Variants in FUT9 observed in about 807,000 individuals in gnomAD.
The protein encoded by FUT9 is fucosyltransferase 9.
Under a neutral mutation model 29.7 loss-of-function variants are expected in FUT9, and 15 were observed. That is an observed-to-expected ratio of 0.51 (90% CI 0.34 to 0.78). The LOEUF (loss-of-function observed/expected upper bound fraction) is 0.78, where lower values mean the gene tolerates loss of function less well. Among genes scored for constraint, FUT9 ranks in the 30% least tolerant of loss-of-function variants. The pLI, the probability that FUT9 is intolerant of heterozygous loss-of-function variation, is 0.01. For synonymous variants in FUT9, 169 were observed against 153.7 expected (o/e 1.10, Z -0.74); for missense variants, 319 against 425.4 (o/e 0.75, Z 2.20).
At position 96,056,442 on chromosome 6, in the gene FUT9, A is replaced by G. The variant is rs538858251; in HGVS notation, c.-98+40230A>G. ...TTTAGTTTTCTTTTATTAATTGTTT[A>G]TGTAACTTATACTAGACTGCTCATG... On this transcript the variant is annotated intron_variant, in intron 1 of 2. Transcript: ENST00000302103. 1.8e-4 allele frequency among the ~76,000 whole-genome samples: 27 copies of G among 152,342 alleles called. No homozygotes were observed. In the South Asian group the frequency reaches 5.2e-3, roughly 29 times the overall value.
chr6:96,030,201 A>C (rs911299118), intron 1 of FUT9, among the ~76,000 whole-genome samples: 2 of 151,660 alleles, frequency 1.3e-5, no homozygotes, highest in Non-Finnish European at 3.0e-5. Context: ...GAAAATACTT[A>C]CAAAATACAC....
At chr6:96,197,502 C>G (rs1013756285) in intron 2 of FUT9, among the ~76,000 whole-genome samples, 3 of 152,108 alleles carry the variant, frequency 2.0e-5, no homozygotes, top group Non-Finnish European at 4.4e-5. Context: ...CATTTCTTGT[C>G]TTTGGAGTTG....
At chr6:96,155,242 G>A (rs979590853) in intron 2 of FUT9, among the ~76,000 whole-genome samples, 7 of 152,038 alleles carry the variant, frequency 4.6e-5, no homozygotes, top group African/African-American at 1.4e-4. Context: ...TAAAAAAAAC[G>A]CTCAGTGTCA....
chr6:96,170,535 T>TA (rs1773092962), intron 2 of FUT9, among the ~76,000 whole-genome samples: 1 of 118,980 alleles, frequency 8.4e-6, no homozygotes, highest in Non-Finnish European at 1.7e-5. Context: ...TAAATCAGAA[T>TA]AAAATCCCTT....
chr6:96,198,509 G>C (rs1773669400), intron 2 of FUT9, among the ~76,000 whole-genome samples: 1 of 151,884 alleles, frequency 6.6e-6, no homozygotes, highest in Non-Finnish European at 1.5e-5. Flanking sequence ...TCTTAATCCA[G>C]TCTATCATTG....
chr6:96,110,016 A>G (rs953332956), intron 1 of FUT9, among the ~76,000 whole-genome samples: 3 of 151,738 alleles, frequency 2.0e-5, no homozygotes, highest in African/African-American at 4.8e-5. Context: ...CTTTGTGTCT[A>G]CTCTCCTTGT....
intron 2 of FUT9, among the ~76,000 whole-genome samples, chr6:96,140,200 G>A (rs543591300): frequency 1.8e-4 from 27 of 152,210 alleles, no homozygotes; most frequent in Admixed American, 9.2e-4. Flanking sequence ...AGTTCCCAAC[G>A]AGTTCCTCAT....
chr6:96,153,332 T>C (rs2127977409), intron 2 of FUT9, among the ~76,000 whole-genome samples: 1 of 152,286 alleles, frequency 6.6e-6, no homozygotes, highest in East Asian at 1.9e-4. Flanking sequence ...TGCTTCATTT[T>C]TCCCTATCCT....
At position 96,211,729 on chromosome 6, in the gene FUT9, G is replaced by A. The variant is rs990169591; in HGVS notation, c.*7494G>A. 36 of 177,146 alleles carry A rather than the reference G, an allele frequency of 2.0e-4. No individual in the cohort carries two copies. The highest frequency in any genetic ancestry group is 6.4e-5 in the Admixed American group (1 of 15,512). 11.0% of individuals were successfully genotyped at this position (177,146 alleles called of 1,614,324 possible). A position where few individuals can be genotyped will look rare whatever the true frequency, so the allele number is the denominator to read the frequency against. ...AGCTGTACTATGTTAGAATAAAAAAGTAGGCTCAAGGAAAATTTCTATTTT... is the reference window on the plus strand; with the variant it reads ...AGCTGTACTATGTTAGAATAAAAAAATAGGCTCAAGGAAAATTTCTATTTT... On this transcript the variant is annotated 3_prime_UTR_variant, in exon 3 of 3. Coordinates refer to ENST00000302103, the MANE Select transcript of FUT9 (RefSeq NM_006581.4).
chr6:96,170,293 C>T (rs888762760), intron 2 of FUT9, among the ~76,000 whole-genome samples: 1 of 151,972 alleles, frequency 6.6e-6, no homozygotes, highest in Non-Finnish European at 1.5e-5. Flanking sequence ...ATATTGTGAT[C>T]CTTAGAGTTA....
chr6:96,074,984 GT>G (rs1201273868), intron 1 of FUT9, among the ~76,000 whole-genome samples: 1 of 151,428 alleles, frequency 6.6e-6, no homozygotes, highest in African/African-American at 2.4e-5. Flanking sequence ...AGGTCTCACT[GT>G]GTTGCCCAGG....
chr6:96,144,502 G>T (rs1772528719), intron 2 of FUT9, among the ~76,000 whole-genome samples: 1 of 152,078 alleles, frequency 6.6e-6, no homozygotes. Flanking sequence ...ATCAAATATT[G>T]CCTGGAAATG....
At chr6:96,060,773 A>G (rs1355476171) in intron 1 of FUT9, among the ~76,000 whole-genome samples, 1 of 152,092 alleles carries the variant, frequency 6.6e-6, no homozygotes, top group East Asian at 1.9e-4. Context: ...CCTAACCTCA[A>G]GTGATCTGCC....
intron 1 of FUT9, among the ~76,000 whole-genome samples, chr6:96,043,732 C>G (rs1390055112): frequency 6.6e-6 from 1 of 152,126 alleles, no homozygotes; most frequent in Non-Finnish European, 1.5e-5. Flanking sequence ...CCCACAGGGG[C>G]TTTTTGTAAT....
At chr6:96,193,369 A>C (rs1773555315) in intron 2 of FUT9, among the ~76,000 whole-genome samples, 1 of 131,124 alleles carries the variant, frequency 7.6e-6, no homozygotes, top group East Asian at 2.3e-4. Context: ...AAAAACAAAC[A>C]ACCCCATCAG....
intron 1 of FUT9, among the ~76,000 whole-genome samples, chr6:96,097,946 A>T (rs367559117): frequency 3.2e-4 from 49 of 152,164 alleles, no homozygotes; most frequent in African/African-American, 1.1e-3. Flanking sequence ...AGGAGCACAG[A>T]CCTTCAAAAT....
intron 1 of FUT9, among the ~76,000 whole-genome samples, chr6:96,043,455 T>G (rs748130933): frequency 6.6e-6 from 1 of 152,332 alleles, no homozygotes; most frequent in Non-Finnish European, 1.5e-5. Flanking sequence ...TACTTATTTG[T>G]TTGGTTGGTT....
At chr6:96,154,023 C>T (rs1562144787) in intron 2 of FUT9, among the ~76,000 whole-genome samples, 2 of 152,116 alleles carry the variant, frequency 1.3e-5, no homozygotes, top group African/African-American at 4.8e-5. Flanking sequence ...CTCATTTTAG[C>T]AGTAGTTTTC....
chr6:96,108,016 C>A (rs1240511911), intron 1 of FUT9, among the ~76,000 whole-genome samples: 1 of 149,232 alleles, frequency 6.7e-6, no homozygotes, highest in African/African-American at 2.5e-5. Context: ...TATTGCAAAG[C>A]TATGGACCTG....
Sources: allele counts gnomAD v4.1 joint callset (sites outside exome capture counted in the v4.1 genomes callset), GRCh38; gene constraint gnomAD v4.1.1; transcripts MANE v1.5; gene names NCBI Gene and HGNC (gene_info 2026-07-23, HGNC 2026-07-21).